The following PLD5 variants were observed in gnomAD, a reference collection of about 807,000 sequenced individuals.
The protein encoded by PLD5 is phospholipase D family member 5.
PLD5 carries 36 observed loss-of-function variants against 61.1 expected under a neutral mutation model. That is an observed-to-expected ratio of 0.59 (90% CI 0.45 to 0.78). The LOEUF is 0.78. Among genes scored for constraint, PLD5 ranks in the 30% least tolerant of loss-of-function variants. PLD5 has a pLI of 0.00. For missense variants in PLD5, 515 were observed against 644.4 expected, an observed-to-expected ratio of 0.80 and a Z score of 2.17; for synonymous variants, 243 against 242.8, an observed-to-expected ratio of 1.00 and a Z score of -0.01.
intron 1 of PLD5, among the ~76,000 whole-genome samples, chr1:242,461,443 G>C (rs1667116277): frequency 6.6e-6 from 1 of 152,178 alleles, no homozygotes; most frequent in African/African-American, 2.4e-5. Flanking sequence ...TTGCAATCAT[G>C]TTAATAATTT....
rs1262179564 is a variant in PLD5, at chr1:242,317,269, C to A, written c.327-28739G>T. On this transcript the variant is annotated intron_variant, in intron 2 of 9. Coordinates refer to ENST00000536534, the MANE Select transcript of PLD5 (RefSeq NM_001372062.1). The stretch of plus-strand genomic sequence containing the variant: ...ACATCAGGTGATCCACCTGCCTCAG[C>A]TTCCCAAAGTGCTGGGATTAGAGGC... Among the ~76,000 whole-genome samples, 3 of 152,226 alleles carry A rather than the reference C, an allele frequency of 2.0e-5. No homozygotes were observed. In the East Asian group the frequency reaches 5.8e-4, roughly 29 times the overall value.
At chr1:242,207,037 C>G (rs1219664867) in intron 5 of PLD5, among the ~76,000 whole-genome samples, 3 of 152,134 alleles carry the variant, frequency 2.0e-5, no homozygotes, top group Non-Finnish European at 2.9e-5. Flanking sequence ...CTTTGGGAAA[C>G]CCCACTCTTG....
At chr1:242,172,577 A>G (rs1015423664) in intron 5 of PLD5, among the ~76,000 whole-genome samples, 1 of 152,200 alleles carries the variant, frequency 6.6e-6, no homozygotes, top group African/African-American at 2.4e-5. Flanking sequence ...CAAAAAAATC[A>G]ATGAATCCAG....
At position 242,101,642 on chromosome 1, in the gene PLD5, A is replaced by G. The variant is rs1660698518; in HGVS notation, c.1240-860T>C. ...TTGTGGAATGTCTTACAGCTATAGA[A>G]TCGTGTATTTAAAGGAAAGAAGAGG... On this transcript the variant is annotated intron_variant, in intron 8 of 9. Transcript: ENST00000536534. Among the ~76,000 whole-genome samples, 3 of 152,192 alleles carry G rather than the reference A, an allele frequency of 2.0e-5. No homozygotes were observed. The South Asian group carries it at 6.2e-4, about 32-fold the overall frequency.
chr1:242,232,132 C>T (rs1671348266), intron 4 of PLD5, among the ~76,000 whole-genome samples: 1 of 151,966 alleles, frequency 6.6e-6, no homozygotes, highest in Admixed American at 6.6e-5. Flanking sequence ...TTAAAGCCCA[C>T]CAATCCCTGG....
At chr1:242,510,378 T>C (rs1668865863) in intron 1 of PLD5, among the ~76,000 whole-genome samples, 1 of 152,130 alleles carries the variant, frequency 6.6e-6, no homozygotes, top group Non-Finnish European at 1.5e-5. Flanking sequence ...AAAGAAAGTG[T>C]CTGTACACAC....
intron 4 of PLD5, among the ~76,000 whole-genome samples, chr1:242,246,422 T>C (rs1191984195): frequency 6.6e-6 from 1 of 150,692 alleles, no homozygotes; most frequent in Admixed American, 6.6e-5. Flanking sequence ...CAAGTACATA[T>C]TCCCACTCCA....
intron 4 of PLD5, among the ~76,000 whole-genome samples, chr1:242,246,518 A>ACACACACAC (rs1256880675): frequency 2.2e-4 from 16 of 73,712 alleles, no homozygotes; most frequent in South Asian, 1.0e-3. Flanking sequence ...CACACACACA[A>ACACACACAC]AAGCAAAATC....
chr1:242,490,585 C>T (rs1370213594), intron 1 of PLD5, among the ~76,000 whole-genome samples: 1 of 152,114 alleles, frequency 6.6e-6, no homozygotes, highest in Non-Finnish European at 1.5e-5. Context: ...TGCATCAAAA[C>T]GTTCATTTAT....
chr1:242,479,088 T>C (rs1016651259), intron 1 of PLD5, among the ~76,000 whole-genome samples: 4 of 152,236 alleles, frequency 2.6e-5, no homozygotes, highest in Non-Finnish European at 4.4e-5. Context: ...CTGGCTCTGA[T>C]GAATTACTGT....
intron 1 of PLD5, among the ~76,000 whole-genome samples, chr1:242,386,635 A>G (rs1662616843): frequency 6.6e-6 from 1 of 152,206 alleles, no homozygotes; most frequent in Non-Finnish European, 1.5e-5. Context: ...AGAAGTCAAC[A>G]CCATAAAAAT....
chr1:242,102,570 G>A (rs1558221665), intron 8 of PLD5, among the ~76,000 whole-genome samples: 1 of 152,160 alleles, frequency 6.6e-6, no homozygotes, highest in African/African-American at 2.4e-5. Flanking sequence ...CCCACATCAG[G>A]GCTGGAGGTG....
At chr1:242,141,458 T>C (rs112218642) in intron 5 of PLD5, among the ~76,000 whole-genome samples, 1 of 152,340 alleles carries the variant, frequency 6.6e-6, no homozygotes, top group African/African-American at 2.4e-5. Flanking sequence ...TCTGACTCCA[T>C]TGAATACTTT....
chr1:242,201,147 G>A lies in PLD5; in HGVS notation c.735+18841C>T, dbSNP rs539562403. ...ATGTTAAAACGGGGCAAGCAATGGG[G>A]CTAAATTTCCATATACAGTTTGCGG... On this transcript the variant is annotated intron_variant, in intron 5 of 9. Transcript: ENST00000536534. Among the ~76,000 whole-genome samples, 21 of 152,276 alleles carry A rather than the reference G, an allele frequency of 1.4e-4. No homozygotes were observed. The South Asian group carries it at 4.1e-3, about 30-fold the overall frequency.
chr1:242,231,101 AT>A (rs1487511670), intron 4 of PLD5, among the ~76,000 whole-genome samples: 1 of 152,232 alleles, frequency 6.6e-6, no homozygotes, highest in Admixed American at 6.5e-5. Flanking sequence ...AAATTTAAAC[AT>A]TCTACACTTA....
At chr1:242,208,166 C>CA (rs1340299868) in intron 5 of PLD5, among the ~76,000 whole-genome samples, 4 of 151,080 alleles carry the variant, frequency 2.6e-5, no homozygotes, top group African/African-American at 9.7e-5. Context: ...AGATTATAGG[C>CA]ACACACCACC....
At chr1:242,134,079 G>A (rs962771393) in intron 5 of PLD5, among the ~76,000 whole-genome samples, 5 of 152,170 alleles carry the variant, frequency 3.3e-5, no homozygotes, top group African/African-American at 1.2e-4. Flanking sequence ...ATCCCTCGAA[G>A]AATCTATTCT....
chr1:242,186,920 G>A (rs549564840), intron 5 of PLD5, among the ~76,000 whole-genome samples: 2 of 152,314 alleles, frequency 1.3e-5, no homozygotes, highest in East Asian at 3.9e-4. Context: ...CTTTAAGGAG[G>A]AGATAACATT....
upstream of PLD5, among the ~76,000 whole-genome samples, chr1:242,526,591 A>G (rs917796203): frequency 6.6e-6 from 1 of 152,094 alleles, no homozygotes; most frequent in African/African-American, 2.4e-5. Context: ...GCACGTCACC[A>G]CGCCCAGCTA....
Sources: allele counts gnomAD v4.1 joint callset (sites outside exome capture counted in the v4.1 genomes callset), GRCh38; gene constraint gnomAD v4.1.1; transcripts MANE v1.5; gene names NCBI Gene and HGNC (gene_info 2026-07-23, HGNC 2026-07-21).